NCOA6: variants seen among roughly 807,000 people sequenced by gnomAD.
NCOA6 encodes the protein nuclear receptor coactivator 6, also known as NRC RAP250.
In NCOA6, 49 loss-of-function variants were observed where a neutral mutation model predicts 171.4. That is an observed-to-expected ratio of 0.29 (90% CI 0.23 to 0.36). The LOEUF is 0.36. Among genes scored for constraint, NCOA6 ranks in the 10% least tolerant of loss-of-function variants. NCOA6 has a pLI of 1.00. For synonymous variants in NCOA6, 910 were observed against 927.5 expected, an observed-to-expected ratio of 0.98 and a Z score of 0.34; for missense variants, 2,248 against 2,554.5, an observed-to-expected ratio of 0.88 and a Z score of 2.59.
intron 10 of NCOA6, among the ~76,000 whole-genome samples, chr20:34,746,528 A>G (rs959677448): frequency 6.6e-6 from 1 of 152,234 alleles, no homozygotes; most frequent in Non-Finnish European, 1.5e-5. Context: ...CAGGTGGATG[A>G]GCCATCATGC....
At chr20:34,818,084 T>C (rs2078899809) in intron 1 of NCOA6, among the ~76,000 whole-genome samples, 1 of 152,178 alleles carries the variant, frequency 6.6e-6, no homozygotes, top group Admixed American at 6.5e-5. Context: ...ATTTTATATG[T>C]AAAAAGGGAT....
At chr20:34,778,771 A>C (rs531527465) in intron 3 of NCOA6, among the ~76,000 whole-genome samples, 1 of 152,118 alleles carries the variant, frequency 6.6e-6, no homozygotes, top group Non-Finnish European at 1.5e-5. Context: ...ATCCTGGCTA[A>C]CACGGTGAAA....
At chr20:34,815,590 TGA>T (rs1303436728) in intron 1 of NCOA6, among the ~76,000 whole-genome samples, 2 of 152,084 alleles carry the variant, frequency 1.3e-5, no homozygotes, top group African/African-American at 4.8e-5. Context: ...GAGGTAATTT[TGA>T]AGAATGGTTT....
chr20:34,811,033 T>C (rs1342310122), intron 1 of NCOA6, among the ~76,000 whole-genome samples: 1 of 151,288 alleles, frequency 6.6e-6, no homozygotes, highest in Non-Finnish European at 1.5e-5. Flanking sequence ...GTTTTAGTCA[T>C]GGCTGTCCCA....
chr20:34,745,492 G>A (rs1023612728), intron 10 of NCOA6, among the ~76,000 whole-genome samples: 4 of 152,194 alleles, frequency 2.6e-5, no homozygotes, highest in African/African-American at 9.7e-5. Flanking sequence ...GCATCTCACT[G>A]ACGGGAAGTG....
chr20:34,743,810 T>G (rs1181115833), intron 10 of NCOA6, among the ~76,000 whole-genome samples: 1 of 152,250 alleles, frequency 6.6e-6, no homozygotes, highest in African/African-American at 2.4e-5. Context: ...CAGGAATAAT[T>G]TTTTTAAGAT....
intron 4 of NCOA6, among the ~76,000 whole-genome samples, chr20:34,769,357 T>C (rs921350938): frequency 1.3e-5 from 2 of 151,448 alleles, no homozygotes; most frequent in South Asian, 4.2e-4. Flanking sequence ...TATGTCCGGC[T>C]ACGTATAGGA....
At chr20:34,812,181 A>C (rs2078688157) in intron 1 of NCOA6, among the ~76,000 whole-genome samples, 1 of 151,422 alleles carries the variant, frequency 6.6e-6, no homozygotes, top group African/African-American at 2.4e-5. Context: ...TGAACCAGGG[A>C]GGAAGAGGTT....
rs1326133808 is a variant in NCOA6 at position 34,749,810 on chromosome 20, T to G, written c.2385A>C (p.Pro795=). The change falls in exon 9 of 15, where the codon CCA becomes CCC. Residue 795 remains proline, a synonymous_variant. Coordinates refer to ENST00000359003, the MANE Select transcript of NCOA6 (RefSeq NM_014071.5). The part of the protein sequence containing the change: ...GQVLRPPGPS[P]HMAQQHGDPA... The stretch of plus-strand genomic sequence containing the variant: ...GATCACCATGCTGCTGGGCCATGTG[T>G]GGGCTGGGCCCTGGTGGCCGCAGGA... 1 of 1,614,234 alleles carries G rather than the reference T, an allele frequency of 6.2e-7. No individual in the cohort carries two copies. The highest frequency in any genetic ancestry group is 2.2e-5 in the East Asian group (1 of 44,890).
In NCOA6 at chr20:34,740,464, G is replaced by A. The variant is rs778296686; in HGVS notation, c.5792C>T (p.Pro1931Leu). 144 of 1,614,024 alleles carry A rather than the reference G, an allele frequency of 8.9e-5. No homozygotes were observed. The highest frequency in any genetic ancestry group is 1.1e-4 in the Non-Finnish European group (134 of 1,180,042). The change falls in exon 11 of 15, where the codon CCG (proline) becomes CTG (leucine). Residue 1931 changes from proline to leucine, a missense_variant. This residue lies in a region of NCOA6 where 884 missense variants were observed against 941.9 expected (regional missense o/e 0.94). Transcript: ENST00000359003. ...LVPSELISAV[P>L]TTKSNHGGIA... Reference sequence around the variant, plus strand: ...GCCACCATGATTGCTTTTTGTGGTCGGTACGGCGGAGATGAGCTCGGAGGG... The same window carrying A: ...GCCACCATGATTGCTTTTTGTGGTCAGTACGGCGGAGATGAGCTCGGAGGG...
chr20:34,755,741 A>AT (rs1218502829), intron 7 of NCOA6, among the ~76,000 whole-genome samples: 1 of 151,970 alleles, frequency 6.6e-6, no homozygotes, highest in Non-Finnish European at 1.5e-5. Flanking sequence ...ATTTACTTTT[A>AT]TTTTTATTTT....
At chr20:34,804,402 T>C (rs1428319674) in intron 1 of NCOA6, among the ~76,000 whole-genome samples, 2 of 150,748 alleles carry the variant, frequency 1.3e-5, no homozygotes, top group African/African-American at 2.4e-5. Flanking sequence ...AGCTACTCAA[T>C]AGGCTGAGGT....
intron 11 of NCOA6, chr20:34,738,971 G>A: frequency 2.2e-6 from 1 of 455,958 alleles, no homozygotes; most frequent in Non-Finnish European, 4.4e-6. Flanking sequence ...GCTGGCCTAG[G>A]ATATCGTAAA....
At chr20:34,732,450 G>C (rs1295095758) in intron 13 of NCOA6, 109 bp downstream of exon 13, 2 of 1,049,138 alleles carry the variant, frequency 1.9e-6, no homozygotes, top group Non-Finnish European at 2.8e-6. Flanking sequence ...TGGTGCAAGA[G>C]TGAAGGAAAA....
At position 34,728,770 on chromosome 20, in the gene NCOA6, T is replaced by C. The variant is rs572254803; in HGVS notation, c.6000-1363A>G. Among the ~76,000 whole-genome samples, 13 of 152,326 alleles carry C rather than the reference T, an allele frequency of 8.5e-5. No homozygotes were observed. In the South Asian group the frequency reaches 2.5e-3, roughly 29 times the overall value. On this transcript the variant is annotated intron_variant, in intron 13 of 14. Transcript: ENST00000359003. ...TTAGCTAAATCATGGCACATCCATATGGAGTCATGAAAAATCATGTTGTAG... is the reference window on the plus strand; with the variant it reads ...TTAGCTAAATCATGGCACATCCATACGGAGTCATGAAAAATCATGTTGTAG...
intron 2 of NCOA6, among the ~76,000 whole-genome samples, chr20:34,790,881 C>T (rs1246041044): frequency 6.6e-6 from 1 of 151,100 alleles, no homozygotes. Context: ...AAACTCCTGA[C>T]CTCAAGTGAT....
At chr20:34,791,495 A>G (rs2077882999) in intron 2 of NCOA6, among the ~76,000 whole-genome samples, 1 of 152,100 alleles carries the variant, frequency 6.6e-6, no homozygotes, top group Non-Finnish European at 1.5e-5. Flanking sequence ...AGGATCTGGG[A>G]GTGAAGGACT....
rs548507187 is a variant in NCOA6 at position 34,749,572 on chromosome 20, G to A, written c.2623C>T (p.Pro875Ser). 6.2e-7 allele frequency: 1 copy of A among 1,614,158 alleles called. No individual in the cohort carries two copies. Among genetic ancestry groups the A allele is most frequent in the South Asian group, 1.1e-5 (1 of 91,076 alleles). ...QMSCGQNPGF[P>S]VNKDVTLTSP... ...GTTAGCGTGACATCCTTATTGACTG[G>A]GAAGCCTGGATTTTGACCACAGGAC... The change falls in exon 9 of 15, where the codon CCA becomes TCA. Residue 875 changes from proline to serine, a missense_variant. Around this residue, in one of 7 missense-constraint regions of NCOA6, gnomAD observed 987 missense variants for 1,104.7 expected, o/e 0.89. Coordinates refer to ENST00000359003, the MANE Select transcript of NCOA6 (RefSeq NM_014071.5).
chr20:34,736,717 CTGTGGT>C lies in NCOA6; in HGVS notation c.5929_5934del (p.Thr1977_Thr1978del). ...GGTCTGGCAACAGAGGCCTGCAGTGCTGTGGTTGAAGTTTCCTTTGAGACTAAATTC... is the reference window on the plus strand; with the variant it reads ...GGTCTGGCAACAGAGGCCTGCAGTGCTGAAGTTTCCTTTGAGACTAAATTC... On this transcript the variant is annotated inframe_deletion, in exon 12 of 15. Coordinates refer to ENST00000359003, the MANE Select transcript of NCOA6 (RefSeq NM_014071.5). 1 of 1,611,096 alleles carries C rather than the reference CTGTGGT, an allele frequency of 6.2e-7. No individual in the cohort carries two copies. Among genetic ancestry groups the C allele is most frequent in the Non-Finnish European group, 8.5e-7 (1 of 1,178,426 alleles).
Sources: allele counts gnomAD v4.1 joint callset (sites outside exome capture counted in the v4.1 genomes callset), GRCh38; gene constraint gnomAD v4.1.1; regional missense constraint gnomAD v4.1.1; transcripts MANE v1.5; gene names NCBI Gene and HGNC (gene_info 2026-07-23, HGNC 2026-07-21).